ZFHX3: variants seen among roughly 807,000 people sequenced by gnomAD.
The protein encoded by ZFHX3 is zinc finger homeobox 3.
ZFHX3 carries 42 observed loss-of-function variants against 279.1 expected under a neutral mutation model. That is an observed-to-expected ratio of 0.15 (90% CI 0.12 to 0.19). The LOEUF (loss-of-function observed/expected upper bound fraction) is 0.19. ZFHX3 is among the 10% of genes least tolerant of loss of function. The pLI, the probability that ZFHX3 is intolerant of heterozygous loss-of-function variation, is 1.00. For missense variants in ZFHX3, 4,981 were observed against 4,754.0 expected (o/e 1.05, Z -1.40); for synonymous variants, 2,293 against 1,957.8 (o/e 1.17, Z -4.52).
chr16:73,683,725 C>T (rs916386767), intron 1 of ZFHX3, among the ~76,000 whole-genome samples: 1 of 152,020 alleles, frequency 6.6e-6, no homozygotes, highest in African/African-American at 2.4e-5. Flanking sequence ...CCCTTTGCAG[C>T]AAAAGACAGC....
intron 8 of ZFHX3, among the ~76,000 whole-genome samples, chr16:72,798,977 T>C (rs1319296697): frequency 1.3e-5 from 2 of 152,364 alleles, no homozygotes; most frequent in African/African-American, 4.8e-5. Context: ...AATAGACCCA[T>C]GTCATATCAC....
intron 1 of ZFHX3, among the ~76,000 whole-genome samples, chr16:73,039,099 C>T (rs541751007): frequency 2.0e-5 from 3 of 150,348 alleles, no homozygotes; most frequent in African/African-American, 7.3e-5. Flanking sequence ...CAGGCACATG[C>T]CACCGAGCCT....
At chr16:73,063,049 C>G (rs887884366), upstream of ZFHX3, among the ~76,000 whole-genome samples, 2 of 152,364 alleles carry the variant, frequency 1.3e-5, no homozygotes, top group East Asian at 1.9e-4. Flanking sequence ...CCAGCCGGCC[C>G]GTGCCCCAGG....
chr16:73,709,078 T>A (rs1445281659), intron 1 of ZFHX3, among the ~76,000 whole-genome samples: 2 of 152,082 alleles, frequency 1.3e-5, no homozygotes, highest in Non-Finnish European at 2.9e-5. Context: ...TGTTTTGGGT[T>A]AATACACACT....
intron 2 of ZFHX3, among the ~76,000 whole-genome samples, chr16:73,558,040 T>C (rs563098213): frequency 6.6e-6 from 1 of 152,272 alleles, no homozygotes; most frequent in East Asian, 1.9e-4. Context: ...GGGCCTTCCC[T>C]CCTTCGGAAA....
At chr16:73,029,129 C>T (rs1964609894) in intron 1 of ZFHX3, among the ~76,000 whole-genome samples, 1 of 152,132 alleles carries the variant, frequency 6.6e-6, no homozygotes, top group Admixed American at 6.6e-5. Flanking sequence ...CAACATGGGG[C>T]CATCTTGGCT....
intron 5 of ZFHX3, among the ~76,000 whole-genome samples, chr16:73,248,923 T>A (rs1460203540): frequency 6.6e-6 from 1 of 152,178 alleles, no homozygotes; most frequent in Admixed American, 6.5e-5. Flanking sequence ...CAGTCTGTGG[T>A]CCAAATCTAT....
At chr16:73,262,422 A>G (rs1012968207) in intron 4 of ZFHX3, among the ~76,000 whole-genome samples, 1 of 152,202 alleles carries the variant, frequency 6.6e-6, no homozygotes, top group Non-Finnish European at 1.5e-5. Flanking sequence ...ACTTACACTG[A>G]TAGTCCAACT....
chr16:72,803,963 G>A (rs1384173067), intron 7 of ZFHX3, among the ~76,000 whole-genome samples: 6 of 152,162 alleles, frequency 3.9e-5, no homozygotes, highest in African/African-American at 1.4e-4. Flanking sequence ...TCCTCCCAGA[G>A]TACATGTACA....
chr16:72,912,257 C>T (rs2039337476), intron 3 of ZFHX3, among the ~76,000 whole-genome samples: 1 of 152,158 alleles, frequency 6.6e-6, no homozygotes. Flanking sequence ...ACTTAACATC[C>T]TCATTAATTA....
At chr16:73,183,665 C>CT (rs201984517) in intron 5 of ZFHX3, among the ~76,000 whole-genome samples, 2,506 of 152,316 alleles carry the variant, frequency 0.016, 34 homozygotes, top group Middle Eastern at 0.031. Context: ...TCCTTTATTA[C>CT]TTTTTTTCCT....
intron 8 of ZFHX3, among the ~76,000 whole-genome samples, chr16:73,076,893 G>A (rs113099735): frequency 8.7e-5 from 13 of 149,972 alleles, no homozygotes; most frequent in African/African-American, 2.4e-4. Context: ...ATATGTATAC[G>A]CACACACACA....
In ZFHX3 at chr16:73,433,413, C is replaced by G. The variant is rs77006720; in HGVS notation, c.-1291+22590G>C. On this transcript the variant is annotated intron_variant, in intron 3 of 17. Coordinates refer to the ZFHX3 transcript ENST00000641206. The stretch of plus-strand genomic sequence containing the variant: ...GCATCTTGCAGGTAGACAATAGATA[C>G]CGCATCAAAAACATGCACAGCACCC... Among the ~76,000 whole-genome samples the G allele has an allele frequency of 2.0e-4, 31 of 152,252 alleles. No individual in the cohort carries two copies. The East Asian group carries it at 5.8e-3, about 28-fold the overall frequency.
At chr16:73,595,790 T>C (rs550676193) in intron 2 of ZFHX3, among the ~76,000 whole-genome samples, 4 of 152,102 alleles carry the variant, frequency 2.6e-5, no homozygotes, top group Non-Finnish European at 5.9e-5. Flanking sequence ...GGTCTCTAAC[T>C]CACCGAACTA....
chr16:73,144,777 G>A (rs901184372), intron 5 of ZFHX3, among the ~76,000 whole-genome samples: 2 of 152,080 alleles, frequency 1.3e-5, no homozygotes, highest in Admixed American at 6.6e-5. Context: ...TAACAACTTG[G>A]CTATAATGCA....
intron 2 of ZFHX3, among the ~76,000 whole-genome samples, chr16:73,588,730 C>T (rs1176329808): frequency 6.8e-6 from 1 of 147,852 alleles, no homozygotes; most frequent in African/African-American, 2.5e-5. Flanking sequence ...AACAAGAAAA[C>T]AAGAGAGAGG....
chr16:73,796,266 G>T lies in ZFHX3; in HGVS notation c.-1608+95385C>A, dbSNP rs892401431. Reference sequence around the variant, plus strand: ...CTGCCAATTTAGGGATGAAGATGAGGTCTAAAAGACAGATGCAAAGAGACT... The same window carrying T: ...CTGCCAATTTAGGGATGAAGATGAGTTCTAAAAGACAGATGCAAAGAGACT... On this transcript the variant is annotated intron_variant, in intron 1 of 17. Coordinates refer to the ZFHX3 transcript ENST00000641206. 5 of 152,226 alleles carry T rather than the reference G, an allele frequency of 3.3e-5. No homozygotes were observed. The South Asian group carries it at 1.0e-3, about 32-fold the overall frequency. 9.4% of individuals were successfully genotyped at this position (152,226 alleles called of 1,614,324 possible).
intron 1 of ZFHX3, among the ~76,000 whole-genome samples, chr16:73,686,045 G>A (rs993362916): frequency 1.3e-5 from 2 of 152,234 alleles, no homozygotes; most frequent in Middle Eastern, 3.4e-3. Context: ...TCTTCAACAT[G>A]CTTATGTGAA....
chr16:73,798,525 A>C (rs1045987414), intron 1 of ZFHX3, among the ~76,000 whole-genome samples: 9 of 152,126 alleles, frequency 5.9e-5, no homozygotes, highest in East Asian at 3.9e-4. Context: ...ACTGATCTGT[A>C]AATTCTCCCG....
Sources: allele counts gnomAD v4.1 joint callset (sites outside exome capture counted in the v4.1 genomes callset), GRCh38; gene constraint gnomAD v4.1.1; transcripts MANE v1.5; gene names NCBI Gene and HGNC (gene_info 2026-07-23, HGNC 2026-07-21).